Variants in STK33 observed in about 807,000 individuals in gnomAD.
STK33 encodes serine/threonine-protein kinase 33.
STK33 carries 52 observed loss-of-function variants against 58.0 expected under a neutral mutation model. That is an observed-to-expected ratio of 0.90 (90% CI 0.72 to 1.13). The LOEUF (loss-of-function observed/expected upper bound fraction) is 1.13. STK33 is among the 50% of genes most tolerant of loss of function. The pLI is 0.00. For synonymous variants in STK33, 215 were observed against 200.1 expected (o/e 1.07, Z -0.63); for missense variants, 630 against 604.2 (o/e 1.04, Z -0.45).
the STK33 span, among the ~76,000 whole-genome samples, chr11:8,357,941 TG>T: frequency 6.6e-6 from 1 of 152,222 alleles, no homozygotes; most frequent in South Asian, 2.1e-4. Flanking sequence ...CAGCTCAGCT[TG>T]GCCACTATCG....
rs1405907059 is a variant in STK33, at chr11:8,594,190, C to A, written c.-573G>T. 6.6e-6 allele frequency: 1 copy of A among 152,328 alleles called. No individual in the cohort carries two copies. Among genetic ancestry groups the A allele is most frequent in the Admixed American group, 6.5e-5 (1 of 15,282 alleles). 9.4% of individuals were successfully genotyped at this position (152,328 alleles called of 1,614,324 possible). A position where few individuals can be genotyped will look rare whatever the true frequency, so the allele number is the denominator to read the frequency against. Reference sequence around the variant, plus strand: ...GAAACTTTTCAGCCCGCAGAGCAACCGCAGGGCAGTGGACGGGGGCCGCGC... The same window carrying A: ...GAAACTTTTCAGCCCGCAGAGCAACAGCAGGGCAGTGGACGGGGGCCGCGC... On this transcript the variant is annotated 5_prime_UTR_variant, in exon 1 of 16. Transcript: ENST00000687296.
At chr11:8,577,632 G>C (rs1958281796) in intron 1 of STK33, among the ~76,000 whole-genome samples, 2 of 151,964 alleles carry the variant, frequency 1.3e-5, no homozygotes, top group African/African-American at 4.8e-5. Flanking sequence ...CTCAGTAACA[G>C]GAAAAATGCA....
At chr11:8,394,768 G>T (rs1364575099) in intron 15 of STK33, among the ~76,000 whole-genome samples, 1 of 152,120 alleles carries the variant, frequency 6.6e-6, no homozygotes, top group Non-Finnish European at 1.5e-5. Context: ...GAAGGAAAAA[G>T]AAAACTAAAC....
At chr11:8,401,306 A>G (rs1937892978) in intron 15 of STK33, among the ~76,000 whole-genome samples, 2 of 152,226 alleles carry the variant, frequency 1.3e-5, no homozygotes, top group East Asian at 1.9e-4. Flanking sequence ...GCCCTCAGAA[A>G]TAATGCTGCA....
rs758267793 is a variant in STK33 at position 8,413,624 on chromosome 11, T to TG, written c.1214dup (p.Glu406ArgfsTer4). On this transcript the variant is annotated frameshift_variant, in exon 15 of 16. Transcript: ENST00000687296. LOFTEE classifies it high-confidence loss of function. The stretch of plus-strand genomic sequence containing the variant: ...CTGTTGTGTTTTCCTCAACACTTTC[T>TG]GGGTTATTTTTCCATTCCTTCATCA... 24 of 1,614,074 alleles carry TG rather than the reference T, an allele frequency of 1.5e-5. No individual in the cohort carries two copies. Among genetic ancestry groups the TG allele is most frequent in the Non-Finnish European group, 2.0e-5 (24 of 1,179,962 alleles).
chr11:8,493,686 C>T (rs182280208), intron 1 of STK33, among the ~76,000 whole-genome samples: 2 of 152,254 alleles, frequency 1.3e-5, no homozygotes, highest in South Asian at 2.1e-4. Flanking sequence ...AACATCAATG[C>T]TAAAATCCTC....
intron 1 of STK33, among the ~76,000 whole-genome samples, chr11:8,530,292 CA>C (rs1257393802): frequency 6.6e-6 from 1 of 150,966 alleles, no homozygotes; most frequent in Admixed American, 6.6e-5. Flanking sequence ...AGATAGCGGA[CA>C]AAAGAGCATT....
chr11:8,402,210 C>A (rs1487840080), intron 15 of STK33, among the ~76,000 whole-genome samples: 7 of 152,144 alleles, frequency 4.6e-5, no homozygotes, highest in Non-Finnish European at 7.3e-5. Flanking sequence ...AGACTTGGAA[C>A]CAACCCAAAT....
At chr11:8,390,978 G>C (rs1310493987), downstream of STK33, among the ~76,000 whole-genome samples, 1 of 152,152 alleles carries the variant, frequency 6.6e-6, no homozygotes, top group Non-Finnish European at 1.5e-5. Context: ...CCACCATCTT[G>C]GTTAGGCTTT....
intron 12 of STK33, among the ~76,000 whole-genome samples, chr11:8,436,788 C>T (rs1944120616): frequency 6.6e-6 from 1 of 152,174 alleles, no homozygotes; most frequent in Admixed American, 6.5e-5. Context: ...ACCTCCGCCT[C>T]CTGGATTCAA....
At chr11:8,375,518 G>C in the STK33 span, among the ~76,000 whole-genome samples, 1 of 152,214 alleles carries the variant, frequency 6.6e-6, no homozygotes, top group Non-Finnish European at 1.5e-5. Context: ...CAAATTCACA[G>C]ATAATTGCTT....
rs532759408 is a variant in STK33 at position 8,406,000 on chromosome 11, G to A, written c.1344+7495C>T. On this transcript the variant is annotated intron_variant, in intron 15 of 15. Coordinates refer to ENST00000687296, the MANE Select transcript of STK33 (RefSeq NM_001352389.2). ...TACTAAAAATACAAAAAAATTAGCC[G>A]GGCATGGTGGCGGGTGCCTGTAGTC... Among the ~76,000 whole-genome samples, 173 of 152,040 alleles carry A rather than the reference G, an allele frequency of 1.1e-3. 2 individuals are homozygous for A. Among genetic ancestry groups the A allele is most frequent in the Non-Finnish European group, 1.1e-3 (75 of 67,964 alleles).
the STK33 span, among the ~76,000 whole-genome samples, chr11:8,360,700 C>A: frequency 6.6e-6 from 1 of 152,242 alleles, no homozygotes; most frequent in Non-Finnish European, 1.5e-5. Flanking sequence ...CTGATGTCCC[C>A]GTTTCCTTGC....
chr11:8,579,472 A>T lies in STK33; in HGVS notation c.-466+14611T>A, dbSNP rs1958413256. On this transcript the variant is annotated intron_variant, in intron 1 of 15. Coordinates refer to ENST00000687296, the MANE Select transcript of STK33 (RefSeq NM_001352389.2). ...AATGCAATTTTTTTCAACAATGATGAGGGAATCAGAGCATATATTTTTATC... is the reference window on the plus strand; with the variant it reads ...AATGCAATTTTTTTCAACAATGATGTGGGAATCAGAGCATATATTTTTATC... Among the ~76,000 whole-genome samples the T allele has an allele frequency of 2.0e-5, 3 of 152,196 alleles. No individual in the cohort carries two copies. In the East Asian group the frequency reaches 5.8e-4, roughly 29 times the overall value.
At chr11:8,346,320 G>A in the STK33 span, among the ~76,000 whole-genome samples, 1 of 152,214 alleles carries the variant, frequency 6.6e-6, no homozygotes, top group African/African-American at 2.4e-5. Flanking sequence ...GGTGGGAGAG[G>A]TGGGAGGAGA....
At chr11:8,542,293 A>G (rs1374721350) in intron 1 of STK33, among the ~76,000 whole-genome samples, 2 of 152,240 alleles carry the variant, frequency 1.3e-5, no homozygotes, top group Non-Finnish European at 2.9e-5. Context: ...ATTTTCAGAT[A>G]GGGCACTGAC....
At chr11:8,537,413 C>T (rs529600314) in intron 1 of STK33, among the ~76,000 whole-genome samples, 2 of 152,130 alleles carry the variant, frequency 1.3e-5, no homozygotes, top group South Asian at 4.1e-4. Flanking sequence ...AATTTTGTTT[C>T]AAGTGTGTTC....
intron 1 of STK33, among the ~76,000 whole-genome samples, chr11:8,584,667 GCT>G (rs1012782992): frequency 1.3e-5 from 2 of 152,204 alleles, no homozygotes; most frequent in East Asian, 1.9e-4. Context: ...TTCTCCAACA[GCT>G]CTCTCTCTAC....
At chr11:8,446,094 G>C (rs549427341) in intron 11 of STK33, among the ~76,000 whole-genome samples, 1 of 152,134 alleles carries the variant, frequency 6.6e-6, no homozygotes, top group South Asian at 2.1e-4. Context: ...ACTTCTTCCT[G>C]GTTTAGTCTT....
Sources: gnomAD v4.1 joint callset for allele counts (sites outside exome capture counted in the v4.1 genomes callset) on GRCh38, gnomAD v4.1.1 for gene constraint, MANE v1.5 for transcripts, NCBI Gene and HGNC (gene_info 2026-07-23, HGNC 2026-07-21) for gene names.